Variants in ROS1 observed in about 807,000 individuals in gnomAD.
ROS1 encodes the protein proto-oncogene tyrosine-protein kinase ROS.
ROS1 carries 263 observed loss-of-function variants against 273.5 expected under a neutral mutation model. The ratio of observed to expected loss-of-function variants is 0.96; its 90% CI spans 0.87 to 1.06. The LOEUF (loss-of-function observed/expected upper bound fraction) is 1.06, where lower values mean the gene tolerates loss of function less well. ROS1 is among the 50% of genes least tolerant of loss of function. The pLI is 0.00. For missense variants in ROS1, 2,833 were observed against 2,751.1 expected (o/e 1.03, Z -0.67); for synonymous variants, 1,008 against 954.1 (o/e 1.06, Z -1.04).
rs559317252 is a variant in ROS1 at position 117,347,620 on chromosome 6, T to C, written c.4304-3358A>G. On this transcript the variant is annotated intron_variant, in intron 27 of 43. Transcript: ENST00000368507. ...TTCCACTGCAGTGTTGAAAAGAAAT[T>C]GGGAGAGGGAACATCCTTACCTTGT... 5.9e-5 allele frequency among the ~76,000 whole-genome samples: 9 copies of C among 152,198 alleles called. No homozygotes were observed. The South Asian group carries it at 1.9e-3, about 32-fold the overall frequency.
At chr6:117,421,381 A>G (rs545071065) in intron 1 of ROS1, among the ~76,000 whole-genome samples, 1 of 151,978 alleles carries the variant, frequency 6.6e-6, no homozygotes, top group East Asian at 1.9e-4. Context: ...ATTGTACCCA[A>G]CATGTAGTTT....
At chr6:117,340,123 AT>A (rs1481411886) in intron 31 of ROS1, among the ~76,000 whole-genome samples, 1 of 152,156 alleles carries the variant, frequency 6.6e-6, no homozygotes, top group African/African-American at 2.4e-5. Context: ...CACTCCTCCA[AT>A]TTCTCCAATT....
intron 43 of ROS1, among the ~76,000 whole-genome samples, chr6:117,296,350 G>A (rs1022876894): frequency 3.3e-5 from 5 of 151,740 alleles, no homozygotes; most frequent in African/African-American, 7.3e-5. Context: ...GCAGTGAGCC[G>A]AGATCATGCC....
chr6:117,323,452 T>C (rs1266425635), intron 35 of ROS1, among the ~76,000 whole-genome samples: 1 of 152,162 alleles, frequency 6.6e-6, no homozygotes, highest in Non-Finnish European at 1.5e-5. Context: ...TTAATATGTG[T>C]TTGAGTGTTC....
At chr6:117,307,913 T>A (rs1056814752) in intron 42 of ROS1, among the ~76,000 whole-genome samples, 4 of 152,158 alleles carry the variant, frequency 2.6e-5, no homozygotes, top group Non-Finnish European at 4.4e-5. Context: ...CTTTATTACA[T>A]GTTGGCTTGG....
chr6:117,365,832 A>C (rs974977228), intron 19 of ROS1, 91 bp from the exon 20 acceptor site: 3 of 1,085,926 alleles, frequency 2.8e-6, no homozygotes, highest in Non-Finnish European at 3.9e-6. Flanking sequence ...GCAATTACTA[A>C]TAATTAGAAC....
At chr6:117,293,294 C>A (rs1231993551) in intron 43 of ROS1, among the ~76,000 whole-genome samples, 1 of 152,108 alleles carries the variant, frequency 6.6e-6, no homozygotes, top group Admixed American at 6.5e-5. Context: ...CTCACCAAAT[C>A]CTTAAAAATA....
At chr6:117,299,071 C>T (rs982109760) in intron 43 of ROS1, among the ~76,000 whole-genome samples, 2 of 152,088 alleles carry the variant, frequency 1.3e-5, no homozygotes, top group Admixed American at 6.6e-5. Flanking sequence ...CTGCCATTGG[C>T]ATTCTAAGAA....
At chr6:117,343,819 C>T (rs1279508336) in intron 28 of ROS1, among the ~76,000 whole-genome samples, 1 of 152,092 alleles carries the variant, frequency 6.6e-6, no homozygotes, top group African/African-American at 2.4e-5. Context: ...TTTCTGGACA[C>T]TCAGAAAACG....
intron 26 of ROS1, among the ~76,000 whole-genome samples, chr6:117,354,868 A>T (rs78550075): frequency 7.2e-5 from 11 of 152,370 alleles, no homozygotes; most frequent in Non-Finnish European, 1.6e-4. Context: ...ATATTGCAAC[A>T]TAGCAAAGAC....
intron 43 of ROS1, among the ~76,000 whole-genome samples, chr6:117,291,518 C>T (rs1257833871): frequency 2.0e-5 from 3 of 152,170 alleles, no homozygotes; most frequent in East Asian, 3.8e-4. Context: ...CATTTCCCTA[C>T]TACAGCCAGG....
Position 117,341,383 on chromosome 6 carries a change from T to C in ROS1, c.4884+17A>G. Reference sequence around the variant, plus strand: ...CTTGAGAATGACAATAAAGAGTGCCTAGTAAACTCACTGTACCTTTAACAC... The same window carrying C: ...CTTGAGAATGACAATAAAGAGTGCCCAGTAAACTCACTGTACCTTTAACAC... On this transcript the variant is annotated intron_variant, in intron 30 of 43. Coordinates refer to ENST00000368507, the MANE Select transcript of ROS1 (RefSeq NM_001378902.1). The C allele has an allele frequency of 6.2e-7, 1 of 1,610,166 alleles. No individual in the cohort carries two copies. Among genetic ancestry groups the C allele is most frequent in the Non-Finnish European group, 8.5e-7 (1 of 1,176,528 alleles).
intron 35 of ROS1, among the ~76,000 whole-genome samples, chr6:117,322,828 T>C (rs1490395747): frequency 6.6e-6 from 1 of 152,138 alleles, no homozygotes; most frequent in African/African-American, 2.4e-5. Flanking sequence ...GACTCAAAAA[T>C]TCGTGAATTT....
At chr6:117,289,148 G>A (rs1562239219) in intron 43 of ROS1, among the ~76,000 whole-genome samples, 1 of 152,240 alleles carries the variant, frequency 6.6e-6, no homozygotes, top group Non-Finnish European at 1.5e-5. Context: ...TGGTCTTTGT[G>A]ATAGGACTTA....
At chr6:117,388,745 T>C (rs1024586957) in intron 13 of ROS1, among the ~76,000 whole-genome samples, 2 of 152,254 alleles carry the variant, frequency 1.3e-5, no homozygotes, top group African/African-American at 2.4e-5. Context: ...CTGTGCTAGA[T>C]ACTGTTCTAA....
intron 23 of ROS1, 123 bp downstream of exon 23, chr6:117,360,219 T>C (rs560553804): frequency 1.2e-6 from 1 of 851,402 alleles, no homozygotes; most frequent in South Asian, 1.8e-5. Flanking sequence ...AAACATGTTT[T>C]TGACCTAAAC....
At position 117,300,992 on chromosome 6, in the gene ROS1, T is replaced by C. The variant is rs2128536636; in HGVS notation, c.6697A>G (p.Ile2233Val). 1 of 1,568,992 alleles carries C rather than the reference T, an allele frequency of 6.4e-7. No homozygotes were observed. Among genetic ancestry groups the C allele is most frequent in the Non-Finnish European group, 8.6e-7 (1 of 1,162,794 alleles). ...AACTTACCTTCAAAGCTTTCATTTA[T>C]GACTCCACTGTTGTTTGCTTCATCT... is the stretch of plus-strand genomic sequence containing the variant. ...SRDEANNSGV[I>V]NESFEGEDGD... is the part of the protein sequence containing the mutation. The change falls in exon 43 of 44, where the codon ATA becomes GTA. Residue 2233 changes from isoleucine (I) to valine (V), a missense_variant. Ile to Val is a conservative substitution (Grantham distance 29, BLOSUM62 3). Coordinates refer to ENST00000368507, the MANE Select transcript of ROS1 (RefSeq NM_001378902.1).
In ROS1 at chr6:117,387,063, T is replaced by C. The variant is rs1040954620; in HGVS notation, c.2000-64A>G. ...AAGCAAACTCTTTAAAGGTATCTTATATACTTATATCTATGCCTTATATCT... is the reference window on the plus strand; with the variant it reads ...AAGCAAACTCTTTAAAGGTATCTTACATACTTATATCTATGCCTTATATCT... On this transcript the variant is annotated intron_variant, in intron 14 of 43. Coordinates refer to ENST00000368507, the MANE Select transcript of ROS1 (RefSeq NM_001378902.1). 9.7e-6 allele frequency: 8 copies of C among 827,420 alleles called. No homozygotes were observed. In the Admixed American group the frequency reaches 1.4e-4, roughly 15 times the overall value. The allele number at this position is 827,420 out of a possible 1,614,324, so 51.3% of individuals were successfully genotyped here.
At position 117,383,342 on chromosome 6, in the gene ROS1, G is replaced by A; in HGVS notation, c.2456C>T (p.Thr819Ile). ...LNGESSLVLQ[T>I]QPWFSGKKVI... ...CTTTTTCCCAGAAAACCAAGGCTGTGTCTGTAGTACAAGGGAACTTTCCCC... is the reference window on the plus strand; with the variant it reads ...CTTTTTCCCAGAAAACCAAGGCTGTATCTGTAGTACAAGGGAACTTTCCCC... The change falls in exon 17 of 44, where the codon ACA (threonine) becomes ATA (isoleucine). Residue 819 changes from threonine (T) to isoleucine (I), a missense_variant. By Grantham distance (89) the Thr-to-Ile change is moderately conservative. Coordinates refer to ENST00000368507, the MANE Select transcript of ROS1 (RefSeq NM_001378902.1). The A allele has an allele frequency of 1.2e-6, 2 of 1,613,698 alleles. No individual in the cohort carries two copies. Among genetic ancestry groups the A allele is most frequent in the East Asian group, 2.2e-5 (1 of 44,872 alleles).
Sources: allele counts gnomAD v4.1 joint callset (sites outside exome capture counted in the v4.1 genomes callset), GRCh38; gene constraint gnomAD v4.1.1; transcripts MANE v1.5; gene names NCBI Gene and HGNC (gene_info 2026-07-23, HGNC 2026-07-21).